Variants in PDE4D observed in about 807,000 individuals in gnomAD.
The protein encoded by PDE4D is phosphodiesterase 4D.
A neutral mutation model predicts 87.4 loss-of-function variants in PDE4D; 24 were observed. The ratio of observed to expected loss-of-function variants is 0.27; its 90% CI spans 0.20 to 0.39. PDE4D has a LOEUF of 0.39. Ranked by LOEUF, PDE4D falls within the 10% of genes least tolerant of loss-of-function variation. PDE4D has a pLI of 1.00. For synonymous variants in PDE4D, 384 were observed against 383.2 expected, an observed-to-expected ratio of 1.00 and a Z score of -0.02; for missense variants, 714 against 1,041.0, an observed-to-expected ratio of 0.69 and a Z score of 4.32.
At chr5:59,669,311 C>G (rs1396062481) in intron 1 of PDE4D, among the ~76,000 whole-genome samples, 1 of 152,068 alleles carries the variant, frequency 6.6e-6, no homozygotes, top group African/African-American at 2.4e-5. Flanking sequence ...CATGGTTCTC[C>G]ATGTTGGTCA....
chr5:59,626,115 A>G (rs1830877293), intron 1 of PDE4D, among the ~76,000 whole-genome samples: 2 of 152,150 alleles, frequency 1.3e-5, no homozygotes, highest in African/African-American at 4.8e-5. Context: ...CAAAATAAAA[A>G]AAACCAATGC....
At chr5:60,323,939 C>A (rs940457084) in intron 1 of PDE4D, among the ~76,000 whole-genome samples, 1 of 152,110 alleles carries the variant, frequency 6.6e-6, no homozygotes, top group Admixed American at 6.5e-5. Flanking sequence ...ATGGCCCCAA[C>A]AAGAACTAAC....
chr5:59,862,029 C>T (rs750447482), intron 1 of PDE4D, among the ~76,000 whole-genome samples: 1 of 152,166 alleles, frequency 6.6e-6, no homozygotes, highest in Non-Finnish European at 1.5e-5. Flanking sequence ...TGTGCCAGTG[C>T]TATTGGCCTC....
intron 1 of PDE4D, among the ~76,000 whole-genome samples, chr5:60,381,775 A>G (rs975253762): frequency 1.3e-5 from 2 of 152,218 alleles, no homozygotes; most frequent in African/African-American, 4.8e-5. Flanking sequence ...AAAATGTACA[A>G]CTGGAATCTG....
intron 6 of PDE4D, among the ~76,000 whole-genome samples, chr5:59,019,964 T>C (rs75971028): frequency 0.073 from 11,053 of 152,166 alleles, 463 homozygotes; most frequent in Non-Finnish European, 0.093. Flanking sequence ...TAAGAACCTC[T>C]GGAGCAGATA....
chr5:59,921,234 CAT>C (rs894095055), intron 3 of PDE4D, among the ~76,000 whole-genome samples: 5 of 152,048 alleles, frequency 3.3e-5, no homozygotes, highest in African/African-American at 1.2e-4. Flanking sequence ...TAAAATATAA[CAT>C]GTCTAATGTT....
intron 5 of PDE4D, among the ~76,000 whole-genome samples, chr5:59,070,619 C>A (rs1446899806): frequency 6.6e-6 from 1 of 152,106 alleles, no homozygotes; most frequent in African/African-American, 2.4e-5. Context: ...ATGAGCAGAA[C>A]CAAAGAAAAA....
intron 1 of PDE4D, among the ~76,000 whole-genome samples, chr5:60,189,447 C>T (rs1420130598): frequency 3.9e-5 from 6 of 152,080 alleles, no homozygotes; most frequent in African/African-American, 1.4e-4. Flanking sequence ...TTTTTCCCCT[C>T]ATATCTCCAC....
At chr5:59,482,544 A>T (rs1441515464) in intron 1 of PDE4D, among the ~76,000 whole-genome samples, 3 of 152,184 alleles carry the variant, frequency 2.0e-5, no homozygotes, top group African/African-American at 7.2e-5. Context: ...TTTCATAAAA[A>T]ATATTCAACA....
chr5:59,188,512 G>T (rs1226197394), intron 3 of PDE4D, among the ~76,000 whole-genome samples: 3 of 151,956 alleles, frequency 2.0e-5, no homozygotes, highest in African/African-American at 7.3e-5. Flanking sequence ...AGGAAAATAC[G>T]GTTATCATTT....
At chr5:60,124,092 A>G (rs990942125) in intron 2 of PDE4D, among the ~76,000 whole-genome samples, 4 of 152,212 alleles carry the variant, frequency 2.6e-5, no homozygotes, top group Admixed American at 6.5e-5. Context: ...TCTTATATAA[A>G]GAAACTATTG....
chr5:59,566,621 A>T (rs1052525162), intron 1 of PDE4D, among the ~76,000 whole-genome samples: 2 of 151,044 alleles, frequency 1.3e-5, no homozygotes, highest in African/African-American at 4.9e-5. Context: ...AATTTGATTA[A>T]TGCATGTCTT....
At chr5:59,266,092 T>C (rs564541112) in intron 1 of PDE4D, among the ~76,000 whole-genome samples, 208 of 152,142 alleles carry the variant, frequency 1.4e-3, no homozygotes, top group African/African-American at 4.6e-3. Context: ...ACTTCATTTT[T>C]GAAGTTAAAA....
rs548390611 is a variant in PDE4D, at chr5:59,610,201, A to G, written c.455+282967T>C. ...GCAGATCCATGCAGGGGCAATTGCA[A>G]GGCACCCCCCAGAGTCTCAGAGATG... On this transcript the variant is annotated intron_variant, in intron 1 of 14. Coordinates refer to ENST00000340635, the MANE Select transcript of PDE4D (RefSeq NM_001104631.2). Among the ~76,000 whole-genome samples, 5 of 152,306 alleles carry G rather than the reference A, an allele frequency of 3.3e-5. No individual in the cohort carries two copies. The East Asian group carries it at 9.6e-4, about 29-fold the overall frequency.
At chr5:60,475,967 C>A (rs775895622) in intron 1 of PDE4D, among the ~76,000 whole-genome samples, 1 of 143,372 alleles carries the variant, frequency 7.0e-6, no homozygotes, top group Non-Finnish European at 1.5e-5. Context: ...AATCTGATTA[C>A]ATACTTACCA....
chr5:60,499,377 A>G (rs1164092510), intron 1 of PDE4D, among the ~76,000 whole-genome samples: 1 of 152,216 alleles, frequency 6.6e-6, no homozygotes, highest in Non-Finnish European at 1.5e-5. Context: ...TGATTCCTCT[A>G]CAGAATTTCA....
At chr5:59,426,016 T>C (rs1795150057) in intron 1 of PDE4D, among the ~76,000 whole-genome samples, 1 of 152,192 alleles carries the variant, frequency 6.6e-6, no homozygotes, top group South Asian at 2.1e-4. Flanking sequence ...GGGTGGGCCT[T>C]AATCCAGTCT....
At chr5:60,319,532 C>G (rs1454133648) in intron 1 of PDE4D, among the ~76,000 whole-genome samples, 1 of 152,226 alleles carries the variant, frequency 6.6e-6, no homozygotes, top group Non-Finnish European at 1.5e-5. Flanking sequence ...TGATGAGGAG[C>G]TGCGTTCCTT....
At chr5:60,461,673 T>C (rs927538090) in intron 1 of PDE4D, among the ~76,000 whole-genome samples, 1 of 152,194 alleles carries the variant, frequency 6.6e-6, no homozygotes, top group Admixed American at 6.5e-5. Flanking sequence ...ACACACATGG[T>C]GGAACATACC....
Sources: allele counts gnomAD v4.1 joint callset (sites outside exome capture counted in the v4.1 genomes callset), GRCh38; gene constraint gnomAD v4.1.1; transcripts MANE v1.5; gene names NCBI Gene and HGNC (gene_info 2026-07-23, HGNC 2026-07-21).